The following PRELID2 variants were observed in gnomAD, a reference collection of about 807,000 sequenced individuals.
The protein encoded by PRELID2 is PRELI domain-containing protein 2.
PRELID2 carries 25 observed loss-of-function variants against 28.4 expected under a neutral mutation model. The observed-to-expected ratio is 0.88, with a 90% CI of 0.64 to 1.23. The LOEUF (loss-of-function observed/expected upper bound fraction) is 1.23. PRELID2 is among the 50% of genes most tolerant of loss of function. The pLI is 0.00. For synonymous variants in PRELID2, 76 were observed against 71.6 expected (o/e 1.06, Z -0.31); for missense variants, 201 against 214.4 (o/e 0.94, Z 0.39).
chr5:145,472,942 C>CT (rs1752067069), intron 2 of PRELID2, among the ~76,000 whole-genome samples: 1 of 152,154 alleles, frequency 6.6e-6, no homozygotes, highest in South Asian at 2.1e-4. Context: ...TCTGACCTAC[C>CT]TTTTTTTAAG....
chr5:145,614,720 G>A (rs536289009), intron 1 of PRELID2, among the ~76,000 whole-genome samples: 90 of 152,274 alleles, frequency 5.9e-4, no homozygotes, highest in Non-Finnish European at 1.2e-3. Flanking sequence ...CGTTCTAGAA[G>A]CTCTCTGGAG....
rs145828142 is a variant in PRELID2, at chr5:145,545,778, T to C, written n.71-72463A>G. Reference sequence around the variant, plus strand: ...ACTCTGGTTCTCACGTCAAATGAGATACTTTCTCCAGATGATTGATTATTT... The same window carrying C: ...ACTCTGGTTCTCACGTCAAATGAGACACTTTCTCCAGATGATTGATTATTT... On this transcript the variant is annotated intron_variant and non_coding_transcript_variant, in intron 1 of 2. Transcript: ENST00000510259. Among the ~76,000 whole-genome samples, 7 of 152,298 alleles carry C rather than the reference T, an allele frequency of 4.6e-5. No individual in the cohort carries two copies. In the East Asian group the frequency reaches 1.2e-3, roughly 25 times the overall value.
At chr5:145,646,168 C>T (rs577232329) in intron 1 of PRELID2, among the ~76,000 whole-genome samples, 4 of 152,304 alleles carry the variant, frequency 2.6e-5, no homozygotes, top group African/African-American at 9.6e-5. Flanking sequence ...TTTAGGTACA[C>T]CATTCAAACG....
chr5:145,267,600 A>C, the PRELID2 span, among the ~76,000 whole-genome samples: 1 of 152,186 alleles, frequency 6.6e-6, no homozygotes, highest in Non-Finnish European at 1.5e-5. Flanking sequence ...GGCTATTGTG[A>C]ACAGTGCTGC....
chr5:145,680,606 G>A (rs1029818542), intron 1 of PRELID2, among the ~76,000 whole-genome samples: 2 of 152,192 alleles, frequency 1.3e-5, no homozygotes, highest in East Asian at 3.9e-4. Context: ...AGACAGAGAT[G>A]CAAAAACAAT....
At chr5:145,342,029 C>A in the PRELID2 span, among the ~76,000 whole-genome samples, 3 of 152,154 alleles carry the variant, frequency 2.0e-5, no homozygotes, top group Non-Finnish European at 4.4e-5. Flanking sequence ...TAGTCACCTA[C>A]AAAGGAAATT....
At chr5:145,272,260 T>C in the PRELID2 span, among the ~76,000 whole-genome samples, 6 of 152,176 alleles carry the variant, frequency 3.9e-5, no homozygotes, top group Non-Finnish European at 8.8e-5. Context: ...AAAGATAAGA[T>C]AGACGTCATG....
At chr5:145,269,690 G>A in the PRELID2 span, among the ~76,000 whole-genome samples, 1 of 150,680 alleles carries the variant, frequency 6.6e-6, no homozygotes, top group Non-Finnish European at 1.5e-5. Flanking sequence ...AAGAAGAGAA[G>A]ACGAGCCAAA....
At chr5:145,434,080 G>T in the PRELID2 span, among the ~76,000 whole-genome samples, 1 of 152,162 alleles carries the variant, frequency 6.6e-6, no homozygotes, top group African/African-American at 2.4e-5. Context: ...TCCCATGACA[G>T]AACCATTGCC....
chr5:145,300,312 C>T, the PRELID2 span, among the ~76,000 whole-genome samples: 5 of 152,064 alleles, frequency 3.3e-5, no homozygotes, highest in Non-Finnish European at 7.4e-5. Context: ...AAGGACCACT[C>T]GTTTCTAATA....
chr5:145,460,002 G>A, the PRELID2 span, among the ~76,000 whole-genome samples: 1,507 of 151,956 alleles, frequency 9.9e-3, 19 homozygotes, highest in African/African-American at 0.035. Context: ...GTAGAGACTG[G>A]GTTTCACCAT....
chr5:145,587,229 C>T (rs1446533968), intron 1 of PRELID2, among the ~76,000 whole-genome samples: 1 of 152,094 alleles, frequency 6.6e-6, no homozygotes, highest in Non-Finnish European at 1.5e-5. Flanking sequence ...CTCCCAGATG[C>T]CATGGAGTTG....
Position 145,756,532 on chromosome 5 carries a change from A to C in PRELID2, c.*4004T>G, listed in dbSNP as rs1361679564. 6.6e-6 allele frequency among the ~76,000 whole-genome samples: 1 copy of C among 152,206 alleles called. No homozygotes were observed. Among genetic ancestry groups the C allele is most frequent in the Non-Finnish European group, 1.5e-5 (1 of 68,038 alleles). Reference sequence around the variant, plus strand: ...ATTATAGAACTGAATACACAAAAACACTAACACAGCTGGGGGAGACAATGG... The same window carrying C: ...ATTATAGAACTGAATACACAAAAACCCTAACACAGCTGGGGGAGACAATGG... On this transcript the variant is annotated 3_prime_UTR_variant, in exon 7 of 7. Coordinates refer to ENST00000683046, the MANE Select transcript of PRELID2 (RefSeq NM_205846.3).
chr5:145,698,876 G>A (rs1336342016), intron 1 of PRELID2, among the ~76,000 whole-genome samples: 4 of 152,100 alleles, frequency 2.6e-5, no homozygotes, highest in African/African-American at 7.2e-5. Flanking sequence ...ACAGGCATGC[G>A]CCACCATGCC....
At chr5:145,697,223 GTAGA>G (rs751251263) in intron 1 of PRELID2, among the ~76,000 whole-genome samples, 84 of 151,782 alleles carry the variant, frequency 5.5e-4, no homozygotes, top group Admixed American at 1.6e-3. Context: ...TGTGATATAT[GTAGA>G]TAGATAGAGA....
chr5:145,808,425 C>T (rs773980510), intron 4 of PRELID2, among the ~76,000 whole-genome samples: 2 of 152,092 alleles, frequency 1.3e-5, no homozygotes, highest in African/African-American at 4.8e-5. Flanking sequence ...TAGCCCTCAG[C>T]ACATGCAAAT....
intron 1 of PRELID2, among the ~76,000 whole-genome samples, chr5:145,717,699 T>C (rs1423017732): frequency 6.6e-6 from 1 of 150,766 alleles, no homozygotes; most frequent in Non-Finnish European, 1.5e-5. Flanking sequence ...ATAATAAAAT[T>C]TAAAACTTCA....
In PRELID2 at chr5:145,823,091, A is replaced by G; in HGVS notation, c.119T>C (p.Met40Thr). The G allele has an allele frequency of 2.6e-6, 4 of 1,529,342 alleles. No homozygotes were observed. Among genetic ancestry groups the G allele is most frequent in the Non-Finnish European group, 3.6e-6 (4 of 1,103,368 alleles). 94.7% of individuals were successfully genotyped at this position (1,529,342 alleles called of 1,614,324 possible). A position where few individuals can be genotyped will look rare whatever the true frequency, so the allele number is the denominator to read the frequency against. Reference sequence around the variant, plus strand: ...AGAGAACTTACCTCTTTTTTCCTCCATGATTTTTACTGAGATGACATTTTT... The same window carrying G: ...AGAGAACTTACCTCTTTTTTCCTCCGTGATTTTTACTGAGATGACATTTTT... Reference protein sequence around the residue: ...MDKNVISVKIMEEKRDESTGV... With the variant: ...MDKNVISVKITEEKRDESTGV... The change falls in exon 2 of 7, where the codon ATG becomes ACG. Residue 40 changes from methionine to threonine, a missense_variant. Met to Thr is a moderately conservative substitution (Grantham distance 81, BLOSUM62 -1). Coordinates refer to ENST00000683046, the MANE Select transcript of PRELID2 (RefSeq NM_205846.3).
At chr5:145,325,815 A>G in the PRELID2 span, among the ~76,000 whole-genome samples, 2 of 152,098 alleles carry the variant, frequency 1.3e-5, no homozygotes, top group African/African-American at 2.4e-5. Flanking sequence ...GGGGGGAAGT[A>G]TTAAAACTAA....
Sources: allele counts gnomAD v4.1 joint callset (sites outside exome capture counted in the v4.1 genomes callset), GRCh38; gene constraint gnomAD v4.1.1; transcripts MANE v1.5; gene names NCBI Gene and HGNC (gene_info 2026-07-23, HGNC 2026-07-21).